The following CERS4 variants were observed in gnomAD, a reference collection of about 807,000 sequenced individuals.
The protein encoded by CERS4 is LAG1 homolog, ceramide synthase 4.
In CERS4, 65 loss-of-function variants were observed where a neutral mutation model predicts 51.8. That is an observed-to-expected ratio of 1.26 (90% CI 1.03 to 1.54). CERS4 has a LOEUF of 1.54. Among genes scored for constraint, CERS4 ranks in the 40% most tolerant of loss-of-function variants. The probability of loss-of-function intolerance (pLI) is 0.00; values close to 1 mark genes in which losing one functional copy is unlikely to be tolerated. For missense variants in CERS4, 563 were observed against 500.4 expected (o/e 1.13, Z -1.19); for synonymous variants, 228 against 208.4 (o/e 1.09, Z -0.81).
At chr19:8,234,542 ATTTTTTTTTTTTTTTT>A (rs35971828) in intron 2 of CERS4, among the ~76,000 whole-genome samples, 41 of 54,166 alleles carry the variant, frequency 7.6e-4, no homozygotes, top group African/African-American at 2.5e-3. Context: ...CCACCATTCT[ATTTTTTTTTTTTTTTT>A]TTTTTTTTTT....
intron 2 of CERS4, among the ~76,000 whole-genome samples, chr19:8,244,023 A>G (rs1319075906): frequency 6.6e-6 from 1 of 152,200 alleles, no homozygotes; most frequent in African/African-American, 2.4e-5. Context: ...GAGATGGGAG[A>G]TCATCTGGGT....
At chr19:8,261,650 G>A in intron 10 of CERS4, 38 bp from the exon 11 acceptor site, 1 of 1,612,036 alleles carries the variant, frequency 6.2e-7, no homozygotes, top group Non-Finnish European at 8.5e-7. Flanking sequence ...TACAGCGGCT[G>A]GTCAAACCCC....
chr19:8,256,392 C>T, intron 7 of CERS4, 106 bp downstream of exon 7: 1 of 1,266,080 alleles, frequency 7.9e-7, no homozygotes, highest in African/African-American at 1.5e-5. Context: ...TGTCATTCCC[C>T]ACTGAGTCCC....
intron 2 of CERS4, among the ~76,000 whole-genome samples, chr19:8,218,833 AC>A (rs1035561466): frequency 6.6e-6 from 1 of 151,574 alleles, no homozygotes; most frequent in African/African-American, 2.4e-5. Flanking sequence ...AACCCATCCA[AC>A]CCAGAGGGCT....
At chr19:8,258,805 G>A (rs910089311) in intron 10 of CERS4, among the ~76,000 whole-genome samples, 4 of 151,874 alleles carry the variant, frequency 2.6e-5, no homozygotes, top group Non-Finnish European at 4.4e-5. Flanking sequence ...TTGTACCACT[G>A]CACTCCAGCC....
intron 2 of CERS4, chr19:8,240,402 G>A (rs1249630074): frequency 6.6e-6 from 1 of 152,198 alleles, no homozygotes. Context: ...CAGAGTGGAA[G>A]AGACAGGTCC....
chr19:8,261,651 G>A, intron 10 of CERS4, 37 bp from the exon 11 acceptor site: 1 of 1,612,308 alleles, frequency 6.2e-7, no homozygotes, highest in East Asian at 2.2e-5. Context: ...ACAGCGGCTG[G>A]TCAAACCCCA....
chr19:8,211,135 A>G (rs1967069743), intron 2 of CERS4, among the ~76,000 whole-genome samples: 1 of 152,054 alleles, frequency 6.6e-6, no homozygotes, highest in African/African-American at 2.4e-5. Flanking sequence ...GAAATTCACA[A>G]CAGTGTCCAC....
intron 2 of CERS4, among the ~76,000 whole-genome samples, chr19:8,246,006 G>A (rs74176287): frequency 0.042 from 6,259 of 150,494 alleles, 213 homozygotes; most frequent in Admixed American, 0.064. Context: ...GATTGCTTGA[G>A]CCCAGGAGGT....
chr19:8,231,684 G>A (rs1254253352), intron 2 of CERS4, among the ~76,000 whole-genome samples: 3 of 151,672 alleles, frequency 2.0e-5, no homozygotes, highest in Non-Finnish European at 4.4e-5. Flanking sequence ...GAGTAGCTGG[G>A]ATTACAGATG....
intron 10 of CERS4, chr19:8,261,293 C>T: frequency 5.2e-6 from 1 of 191,334 alleles, no homozygotes; most frequent in Non-Finnish European, 1.1e-5. Context: ...AGATGAGGCC[C>T]CACCGCCTGC....
chr19:8,228,188 T>C (rs1967865508), intron 2 of CERS4, among the ~76,000 whole-genome samples: 1 of 151,930 alleles, frequency 6.6e-6, no homozygotes, highest in Admixed American at 6.6e-5. Context: ...CGCCTCGGCC[T>C]CCCAAAGTGC....
intron 2 of CERS4, among the ~76,000 whole-genome samples, chr19:8,249,278 T>C (rs1380914894): frequency 6.6e-6 from 1 of 151,886 alleles, no homozygotes; most frequent in Non-Finnish European, 1.5e-5. Flanking sequence ...GGTAGATAGA[T>C]GGACAGGGGG....
rs58081765 is a variant in CERS4 at position 8,230,179 on chromosome 19, C to CCTTTTTTTTT, written c.-2+19337_-2+19346dup. On this transcript the variant is annotated intron_variant, in intron 2 of 11. Coordinates refer to ENST00000251363, the MANE Select transcript of CERS4 (RefSeq NM_024552.3). ...GTACTCCCATTGCATGCAAGTTAGACCTTTTTTTTTCTTTTTTTTTCTTTT... is the reference window on the plus strand; with the variant it reads ...GTACTCCCATTGCATGCAAGTTAGACCTTTTTTTTTCTTTTTTTTTCTTTTTTTTTCTTTT... Among the ~76,000 whole-genome samples, 246 of 152,024 alleles carry CCTTTTTTTTT rather than the reference C, an allele frequency of 1.6e-3. 3 individuals are homozygous for CCTTTTTTTTT. Among genetic ancestry groups the CCTTTTTTTTT allele is most frequent in the African/African-American group, 5.6e-3 (233 of 41,466 alleles).
chr19:8,225,281 T>A (rs1188595080), intron 2 of CERS4, among the ~76,000 whole-genome samples: 1 of 151,882 alleles, frequency 6.6e-6, no homozygotes, highest in African/African-American at 2.4e-5. Context: ...CTTAGAGGAA[T>A]TGACCACTTG....
In CERS4 at chr19:8,245,121, A is replaced by ACAAAACAAAC. The variant is rs1471993375; in HGVS notation, c.-1-5955_-1-5954insCAAAACAAAC. 3.9e-3 allele frequency among the ~76,000 whole-genome samples: 564 copies of ACAAAACAAAC among 146,198 alleles called. 16 individuals are homozygous for ACAAAACAAAC. The highest frequency in any genetic ancestry group is 0.023 in the Admixed American group (340 of 14,598). On this transcript the variant is annotated intron_variant, in intron 2 of 11. Transcript: ENST00000251363. ...AGCGAGACTCCATCTCAAAAAAAAA[A>ACAAAACAAAC]AAAAAAAAAAAAAACACTCTTGGCT...
chr19:8,256,315 G>A, intron 7 of CERS4, 29 bp downstream of exon 7: 4 of 1,611,538 alleles, frequency 2.5e-6, no homozygotes, highest in Non-Finnish European at 3.4e-6. Context: ...GTGAATGCTT[G>A]GAGGGTGAGG....
chr19:8,261,415 G>A, intron 10 of CERS4: 1 of 463,668 alleles, frequency 2.2e-6, no homozygotes, highest in East Asian at 3.7e-5. Context: ...TGCCACCCAG[G>A]AAAGCAGCTG....
intron 6 of CERS4, 96 bp downstream of exon 6, chr19:8,255,975 G>A: frequency 2.2e-6 from 3 of 1,343,638 alleles, no homozygotes; most frequent in East Asian, 2.3e-5. Flanking sequence ...AGCCAGAGAG[G>A]AAAACATGCA....
Sources: gnomAD v4.1 joint callset for allele counts (sites outside exome capture counted in the v4.1 genomes callset) on GRCh38, gnomAD v4.1.1 for gene constraint, MANE v1.5 for transcripts, NCBI Gene and HGNC (gene_info 2026-07-23, HGNC 2026-07-21) for gene names.